NCOA3: variants seen among roughly 807,000 people sequenced by gnomAD.
NCOA3 encodes CBP-interacting protein.
In NCOA3, 51 loss-of-function variants were observed where a neutral mutation model predicts 158.8. That is an observed-to-expected ratio of 0.32 (90% CI 0.26 to 0.41). NCOA3 has a LOEUF of 0.41. NCOA3 is among the 10% of genes least tolerant of loss of function. NCOA3 has a pLI of 1.00. For missense variants in NCOA3, 1,510 were observed against 1,746.6 expected (o/e 0.86, Z 2.41); for synonymous variants, 537 against 592.4 (o/e 0.91, Z 1.36).
At chr20:47,592,534 GT>G (rs371331363) in intron 2 of NCOA3, among the ~76,000 whole-genome samples, 25 of 152,278 alleles carry the variant, frequency 1.6e-4, no homozygotes, top group African/African-American at 6.0e-4. Context: ...CTACAGCCCT[GT>G]GTTGGGGTTG....
rs1322485229 is a variant in NCOA3, at chr20:47,656,796, CTT to C, written c.*3380_*3381del. The C allele has an allele frequency of 6.6e-6, 1 of 151,188 alleles. No individual in the cohort carries two copies. The highest frequency in any genetic ancestry group is 2.4e-5 in the African/African-American group (1 of 40,820). 9.4% of individuals were successfully genotyped at this position (151,188 alleles called of 1,614,324 possible). On this transcript the variant is annotated 3_prime_UTR_variant, in exon 23 of 23. Coordinates refer to ENST00000371998, the MANE Select transcript of NCOA3 (RefSeq NM_181659.3). ...AAAGAATTGAAACCACATGAAATGACTTATGGGGGATGGTGAGCTGTGACTGC... is the reference window on the plus strand; with the variant it reads ...AAAGAATTGAAACCACATGAAATGACATGGGGGATGGTGAGCTGTGACTGC...
At chr20:47,509,435 A>G (rs768399378) in intron 1 of NCOA3, among the ~76,000 whole-genome samples, 4 of 152,186 alleles carry the variant, frequency 2.6e-5, no homozygotes, top group Non-Finnish European at 5.9e-5. Flanking sequence ...AGTATATGCT[A>G]TAACTGGGTA....
At chr20:47,548,275 G>A (rs955040418) in intron 1 of NCOA3, among the ~76,000 whole-genome samples, 4 of 151,684 alleles carry the variant, frequency 2.6e-5, no homozygotes, top group African/African-American at 9.7e-5. Context: ...AGGTGCGGTG[G>A]CCCACACCTG....
At chr20:47,623,270 A>G (rs921994473) in intron 3 of NCOA3, among the ~76,000 whole-genome samples, 8 of 152,158 alleles carry the variant, frequency 5.3e-5, no homozygotes, top group African/African-American at 1.7e-4. Context: ...AGTAGCTACC[A>G]CTGTTTTTGT....
At chr20:47,543,809 C>G (rs2084783180) in intron 1 of NCOA3, among the ~76,000 whole-genome samples, 1 of 152,124 alleles carries the variant, frequency 6.6e-6, no homozygotes, top group Non-Finnish European at 1.5e-5. Flanking sequence ...TGTGCCCAGC[C>G]AAGAAAAGCT....
At chr20:47,567,865 C>G (rs2085224428) in intron 1 of NCOA3, among the ~76,000 whole-genome samples, 1 of 152,106 alleles carries the variant, frequency 6.6e-6, no homozygotes, top group Non-Finnish European at 1.5e-5. Context: ...GCCACCGTGC[C>G]AGGCCAATTA....
In NCOA3 at chr20:47,640,095, G is replaced by A. The variant is rs764366681; in HGVS notation, c.3080+44G>A. ...ACTCTGTAGAAAATCTCAGCATTGG[G>A]TAGTTTAGAAAAGAGTTGGAGCACA... On this transcript the variant is annotated intron_variant, in intron 16 of 22. Transcript: ENST00000371998. 8.1e-6 allele frequency: 13 copies of A among 1,612,518 alleles called. No individual in the cohort carries two copies. In the African/African-American group the frequency reaches 1.6e-4, roughly 20 times the overall value.
Position 47,646,687 on chromosome 20 carries a change from A to G in NCOA3, c.3253-386A>G, listed in dbSNP as rs6018618. Among the ~76,000 whole-genome samples the G allele has an allele frequency of 7.0e-3, 1,069 of 152,268 alleles. 17 individuals are homozygous for G. Among genetic ancestry groups the G allele is most frequent in the African/African-American group, 0.025 (1,027 of 41,546 alleles). On this transcript the variant is annotated intron_variant, in intron 17 of 22. Transcript: ENST00000371998. ...ATTCATTCAAGGAAAGGCCAGAGAG[A>G]TGGGAGAAAAATGAGAAGTGTTGCG...
intron 18 of NCOA3, among the ~76,000 whole-genome samples, chr20:47,648,333 G>A (rs1406427709): frequency 6.6e-6 from 1 of 152,150 alleles, no homozygotes; most frequent in Non-Finnish European, 1.5e-5. Context: ...TTCACTAAAA[G>A]TCATTTAGGG....
chr20:47,529,075 T>C (rs1306651626), intron 1 of NCOA3, among the ~76,000 whole-genome samples: 4 of 150,808 alleles, frequency 2.7e-5, no homozygotes, highest in Non-Finnish European at 5.9e-5. Context: ...CTGGACACTT[T>C]TTTTTCTTAC....
In NCOA3 at chr20:47,650,985, G is replaced by A. The variant is rs755914949; in HGVS notation, c.3655G>A (p.Gly1219Ser). ...MMQPQVSSQQ[G>S]FLNAQMVAQR... Reference sequence around the variant, plus strand: ...TGCACTCTTTCTTGGGTATTAGCAGGGTTTTCTTAATGCTCAAATGGTCGC... The same window carrying A: ...TGCACTCTTTCTTGGGTATTAGCAGAGTTTTCTTAATGCTCAAATGGTCGC... The change falls in exon 20 of 23, where the codon GGT (glycine) becomes AGT (serine). Residue 1219 changes from glycine to serine, a missense_variant. By Grantham distance (56) the Gly-to-Ser change is moderately conservative (BLOSUM62 0). This residue lies in a region of NCOA3 where 1,017 missense variants were observed against 1,098.3 expected (regional missense o/e 0.93). Coordinates refer to ENST00000371998, the MANE Select transcript of NCOA3 (RefSeq NM_181659.3). 3.7e-6 allele frequency: 6 copies of A among 1,613,348 alleles called. No homozygotes were observed. Among genetic ancestry groups the A allele is most frequent in the Admixed American group, 3.3e-5 (2 of 59,976 alleles).
At chr20:47,605,029 G>A (rs1318711464) in intron 2 of NCOA3, among the ~76,000 whole-genome samples, 2 of 152,002 alleles carry the variant, frequency 1.3e-5, no homozygotes, top group Non-Finnish European at 1.5e-5. Flanking sequence ...CACTACCCCC[G>A]GCCAATCTTT....
Position 47,511,544 on chromosome 20 carries a change from T to C in NCOA3, c.-99+9525T>C, listed in dbSNP as rs1292913731. Among the ~76,000 whole-genome samples the C allele has an allele frequency of 9.9e-3, 212 of 21,452 alleles. 13 individuals are homozygous for C. The highest frequency in any genetic ancestry group is 0.02 in the East Asian group (7 of 348). The allele number at this position is 21,452 out of a possible 152,430, so 14.1% of individuals were successfully genotyped here. A position where few individuals can be genotyped will look rare whatever the true frequency, so the allele number is the denominator to read the frequency against. On this transcript the variant is annotated intron_variant, in intron 1 of 22. Coordinates refer to ENST00000371998, the MANE Select transcript of NCOA3 (RefSeq NM_181659.3). Reference sequence around the variant, plus strand: ...CTCGAGATATATATATATATATATATATATATATATATTTCTTTTTTTTTT... The same window carrying C: ...CTCGAGATATATATATATATATATACATATATATATATTTCTTTTTTTTTT...
chr20:47,573,674 T>C (rs2085329743), intron 1 of NCOA3, among the ~76,000 whole-genome samples: 3 of 152,192 alleles, frequency 2.0e-5, no homozygotes. Context: ...AATTCATTCC[T>C]CTTCACTGCC....
intron 1 of NCOA3, among the ~76,000 whole-genome samples, chr20:47,557,660 A>G (rs1425686195): frequency 1.3e-5 from 2 of 152,238 alleles, no homozygotes; most frequent in Non-Finnish European, 2.9e-5. Flanking sequence ...ATAGTCCTTC[A>G]AATCAGCCAT....
intron 9 of NCOA3, among the ~76,000 whole-genome samples, 186 bp from the exon 10 acceptor site, chr20:47,633,859 CTTG>C (rs2086462218): frequency 6.6e-6 from 1 of 152,246 alleles, no homozygotes; most frequent in Middle Eastern, 3.4e-3. Flanking sequence ...TAGTTGCTCT[CTTG>C]TTGGTGAGGG....
intron 17 of NCOA3, 81 bp downstream of exon 17, chr20:47,642,465 A>C: frequency 2.1e-6 from 2 of 965,322 alleles, no homozygotes; most frequent in Non-Finnish European, 2.8e-6. Context: ...CACATACAAG[A>C]ATGCCTGTGT....
rs1257503143 is a variant in NCOA3, at chr20:47,639,675, A to C, written c.2806A>C (p.Asn936His). The change falls in exon 15 of 23, where the codon AAC becomes CAC. Residue 936 changes from asparagine (N) to histidine (H), a missense_variant. Physicochemically the swap from Asn to His is moderately conservative, Grantham distance 68 (BLOSUM62 1). Transcript: ENST00000371998. ...KAGRMEPMNS[N>H]SMGRPGGDYN... ...CGGCAGAATGGAACCTATGAATTCAAACTCCATGGGAAGACCAGGAGGAGA... is the reference window on the plus strand; with the variant it reads ...CGGCAGAATGGAACCTATGAATTCACACTCCATGGGAAGACCAGGAGGAGA... The C allele has an allele frequency of 3.1e-6, 5 of 1,614,024 alleles. No homozygotes were observed. The African/African-American group carries it at 4.0e-5, about 13-fold the overall frequency.
At chr20:47,530,401 T>G (rs980150858) in intron 1 of NCOA3, among the ~76,000 whole-genome samples, 6 of 152,092 alleles carry the variant, frequency 3.9e-5, no homozygotes, top group Non-Finnish European at 8.8e-5. Context: ...AGACAAAGTT[T>G]TAAAAAGATT....
Sources: gnomAD v4.1 joint callset for allele counts (sites outside exome capture counted in the v4.1 genomes callset) on GRCh38, gnomAD v4.1.1 for gene constraint, gnomAD v4.1.1 regional missense constraint, MANE v1.5 for transcripts, NCBI Gene and HGNC (gene_info 2026-07-23, HGNC 2026-07-21) for gene names.